C11orf65: variants seen among roughly 807,000 people sequenced by gnomAD.
C11orf65 encodes the protein chromosome 11 open reading frame 65, also known as protein MFI.
A neutral mutation model predicts 35.3 loss-of-function variants in C11orf65; 38 were observed. The observed-to-expected ratio is 1.08, with a 90% confidence interval of 0.83 to 1.41. The LOEUF (loss-of-function observed/expected upper bound fraction) is 1.41, where lower values mean the gene tolerates loss of function less well. C11orf65 is among the 40% of genes most tolerant of loss of function. The probability of loss-of-function intolerance (pLI) is 0.00; values close to 1 mark genes in which losing one functional copy is unlikely to be tolerated. For synonymous variants in C11orf65, 105 were observed against 114.4 expected (o/e 0.92, Z 0.53); for missense variants, 370 against 367.1 (o/e 1.01, Z -0.06).
chr11:108,354,070 A>ACACACACACACACACACACACACAC (rs2089570249), intron 2 of C11orf65, among the ~76,000 whole-genome samples: 1 of 114,832 alleles, frequency 8.7e-6, no homozygotes, highest in Non-Finnish European at 1.9e-5. Flanking sequence ...CACACACACA[A>ACACACACACACACACACACACACAC]ACACACACAC....
intron 3 of C11orf65, among the ~76,000 whole-genome samples, chr11:108,418,328 T>G (rs1460869744): frequency 1.3e-5 from 2 of 151,980 alleles, no homozygotes; most frequent in Non-Finnish European, 2.9e-5. Flanking sequence ...CAGATAAAAA[T>G]TTATAAAAAA....
At chr11:108,369,649 T>A (rs577328482) in intron 2 of C11orf65, among the ~76,000 whole-genome samples, 11 of 152,220 alleles carry the variant, frequency 7.2e-5, no homozygotes, top group African/African-American at 2.6e-4. Context: ...CTCTGAAAAA[T>A]CCCTTTGCCA....
intron 2 of C11orf65, among the ~76,000 whole-genome samples, chr11:108,433,573 C>G (rs2093023115): frequency 8.8e-6 from 1 of 113,608 alleles, no homozygotes; most frequent in Non-Finnish European, 1.9e-5. Flanking sequence ...GAGTGAGACT[C>G]CGTCTCAAAA....
chr11:108,365,243 TG>T (rs1305028491), intron 2 of C11orf65: 1 of 1,614,234 alleles, frequency 6.2e-7, no homozygotes. Context: ...AAGAAGGTCC[TG>T]TTGTCAGTTT....
chr11:108,361,480 G>A (rs1277112233), intron 2 of C11orf65, among the ~76,000 whole-genome samples: 2 of 151,842 alleles, frequency 1.3e-5, no homozygotes, highest in Admixed American at 1.3e-4. Flanking sequence ...AAAAGAGCCC[G>A]CATCGGCAAG....
At position 108,393,322 on chromosome 11, in the gene C11orf65, A is replaced by G; in HGVS notation, c.617T>C (p.Ile206Thr). ...KSTHHETLGL[I>T]HTATKGLIRA... Reference sequence around the variant, plus strand: ...AATCAGCCCCTTTGTTGCAGTGTGAATTAGTCCTAGAGTTTCATGATGTGT... The same window carrying G: ...AATCAGCCCCTTTGTTGCAGTGTGAGTTAGTCCTAGAGTTTCATGATGTGT... The change falls in exon 7 of 9, where the codon ATT becomes ACT. Residue 206 changes from isoleucine (I) to threonine (T), a missense_variant. By Grantham distance (89) the Ile-to-Thr change is moderately conservative. Transcript: ENST00000393084. The G allele has an allele frequency of 2.5e-6, 4 of 1,614,088 alleles. No homozygotes were observed. The highest frequency in any genetic ancestry group is 3.4e-6 in the Non-Finnish European group (4 of 1,180,000).
chr11:108,330,452 T>C (rs771274761), downstream of C11orf65: 1 of 1,609,580 alleles, frequency 6.2e-7, no homozygotes, highest in Non-Finnish European at 8.5e-7. Context: ...TATTCTACCC[T>C]GTGCTTGAAA....
chr11:108,393,264 C>T lies in C11orf65; in HGVS notation c.675G>A (p.Val225=). The change falls in exon 7 of 9, where the codon GTG becomes GTA. Residue 225 remains valine, a synonymous_variant. Coordinates refer to ENST00000393084, the MANE Select transcript of C11orf65 (RefSeq NM_152587.5). The part of the protein sequence containing the change: ...RAFEDGGIDS[V]MEWEVDEVLN... Reference sequence around the variant, plus strand: ...GCACTTCATCCACTTCCCATTCCATCACAGAATCTATCCCCCCATCTTCAA... The same window carrying T: ...GCACTTCATCCACTTCCCATTCCATTACAGAATCTATCCCCCCATCTTCAA... 6.2e-7 allele frequency: 1 copy of T among 1,614,090 alleles called. No individual in the cohort carries two copies.
chr11:108,387,508 G>A (rs191691679), intron 7 of C11orf65, among the ~76,000 whole-genome samples: 1 of 151,970 alleles, frequency 6.6e-6, no homozygotes, highest in Non-Finnish European at 1.5e-5. Flanking sequence ...CAGTAGGAGG[G>A]TATATACTTC....
chr11:108,350,430 T>C (rs2089047919), intron 2 of C11orf65, among the ~76,000 whole-genome samples: 1 of 152,220 alleles, frequency 6.6e-6, no homozygotes, highest in Non-Finnish European at 1.5e-5. Flanking sequence ...AGGTTTTGAT[T>C]AGAATGTACA....
chr11:108,438,527 G>A (rs115874593), intron 2 of C11orf65, among the ~76,000 whole-genome samples: 3,366 of 151,402 alleles, frequency 0.022, 94 homozygotes, highest in African/African-American at 0.07. Context: ...CTCCAGCTTG[G>A]GCAACAAAGC....
In C11orf65 at chr11:108,325,478, T is replaced by G. The variant is rs876658607; in HGVS notation, c.641-16407A>C. On this transcript the variant is annotated intron_variant, in intron 6 of 6. Coordinates refer to the C11orf65 transcript ENST00000525729. ...TGGACAACTCACAAAGAGAATGTAT[T>G]AAGGACATTCTCACCAAACACCTTG... The G allele has an allele frequency of 5.6e-6, 9 of 1,613,590 alleles. No homozygotes were observed. Among genetic ancestry groups the G allele is most frequent in the South Asian group, 3.3e-5 (3 of 91,078 alleles).
rs55982963 is a variant in C11orf65, at chr11:108,335,849, G to A, written c.227-557C>T. On this transcript the variant is annotated intron_variant, in intron 2 of 3. Transcript: ENST00000524755. The stretch of plus-strand genomic sequence containing the variant: ...TCATGCTTAATTATTCTGAAGGGCC[G>A]TGATGACCTGAGACAAGATGCTGTC... 1.2e-4 allele frequency: 196 copies of A among 1,612,502 alleles called. 1 individual carries two copies. The highest frequency in any genetic ancestry group is 3.5e-4 in the Admixed American group (21 of 60,002).
At position 108,358,042 on chromosome 11, in the gene C11orf65, T is replaced by C. The variant is rs1012700242; in HGVS notation, c.227-22750A>G. Reference sequence around the variant, plus strand: ...AACCAAAGGCAAATAAGTTGACAACTTTGAAAAAAATTTAGAAGAATGTAT... The same window carrying C: ...AACCAAAGGCAAATAAGTTGACAACCTTGAAAAAAATTTAGAAGAATGTAT... On this transcript the variant is annotated intron_variant, in intron 2 of 3. Transcript: ENST00000524755. Among the ~76,000 whole-genome samples, 36 of 143,992 alleles carry C rather than the reference T, an allele frequency of 2.5e-4. 1 individual carries two copies. The highest frequency in any genetic ancestry group is 7.8e-4 in the African/African-American group (31 of 39,746). The allele number at this position is 143,992 out of a possible 152,430, so 94.5% of individuals were successfully genotyped here. A position where few individuals can be genotyped will look rare whatever the true frequency, so the allele number is the denominator to read the frequency against.
chr11:108,451,775 C>A (rs983384149), intron 2 of C11orf65, among the ~76,000 whole-genome samples: 1 of 152,122 alleles, frequency 6.6e-6, no homozygotes, highest in Non-Finnish European at 1.5e-5. Flanking sequence ...GCTACAGTAA[C>A]CAAAACAGCA....
intron 6 of C11orf65, among the ~76,000 whole-genome samples, chr11:108,313,610 C>G (rs965555253): frequency 2.6e-5 from 4 of 152,166 alleles, no homozygotes; most frequent in African/African-American, 9.7e-5. Flanking sequence ...TCTCCTTTCA[C>G]TTTTGCCTTC....
intron 6 of C11orf65, among the ~76,000 whole-genome samples, chr11:108,396,598 A>G (rs61915106): frequency 0.28 from 42,456 of 151,250 alleles, 7,165 homozygotes; most frequent in Middle Eastern, 0.54. Flanking sequence ...TTGGGAGGCC[A>G]AGGCGGGCGG....
At chr11:108,327,589 G>T (rs1222745965), downstream of C11orf65, 5 of 1,407,206 alleles carry the variant, frequency 3.6e-6, no homozygotes, top group East Asian at 1.2e-4. Flanking sequence ...ATGAAGGGCA[G>T]TTGGGTACAG....
chr11:108,443,889 C>T (rs1310668533), intron 2 of C11orf65, among the ~76,000 whole-genome samples: 3 of 151,996 alleles, frequency 2.0e-5, no homozygotes, highest in African/African-American at 4.8e-5. Flanking sequence ...AATTGACACC[C>T]TAACATCACA....
Sources: allele counts gnomAD v4.1 joint callset (sites outside exome capture counted in the v4.1 genomes callset), GRCh38; gene constraint gnomAD v4.1.1; transcripts MANE v1.5; gene names NCBI Gene and HGNC (gene_info 2026-07-23, HGNC 2026-07-21).